BACE2: variants seen among roughly 807,000 people sequenced by gnomAD.
BACE2 encodes beta-secretase 2.
In BACE2, 17 loss-of-function variants were observed where a neutral mutation model predicts 46.2. The observed-to-expected ratio is 0.37, with a 90% CI of 0.25 to 0.55. BACE2 has a LOEUF of 0.55. BACE2 is among the 20% of genes least tolerant of loss of function. The pLI, the probability that BACE2 is intolerant of heterozygous loss-of-function variation, is 0.82. For synonymous variants in BACE2, 277 were observed against 295.9 expected, an observed-to-expected ratio of 0.94 and a Z score of 0.66; for missense variants, 595 against 698.1, an observed-to-expected ratio of 0.85 and a Z score of 1.66.
intron 8 of BACE2, among the ~76,000 whole-genome samples, chr21:41,263,985 T>C (rs1988003966): frequency 6.6e-6 from 1 of 152,232 alleles, no homozygotes; most frequent in Non-Finnish European, 1.5e-5. Flanking sequence ...TTTCAAGTAA[T>C]GAGATTTCTC....
chr21:41,232,020 C>CTTT (rs34868132), intron 2 of BACE2, among the ~76,000 whole-genome samples: 1 of 140,638 alleles, frequency 7.1e-6, no homozygotes, highest in African/African-American at 2.6e-5. Flanking sequence ...TGAGAATTAC[C>CTTT]TTTTTTTTTT....
intron 5 of BACE2, among the ~76,000 whole-genome samples, chr21:41,244,602 C>T (rs930991121): frequency 9.8e-6 from 1 of 102,526 alleles, no homozygotes; most frequent in Non-Finnish European, 1.9e-5. Context: ...AAGGCAGGAA[C>T]CGGCCATTTT....
intron 1 of BACE2, among the ~76,000 whole-genome samples, chr21:41,199,744 G>A (rs1390413781): frequency 6.6e-6 from 1 of 152,118 alleles, no homozygotes; most frequent in Non-Finnish European, 1.5e-5. Context: ...GCCTCTCCCA[G>A]CCCCAGCTCT....
chr21:41,168,675 G>A lies in BACE2; in HGVS notation c.312+100G>A, dbSNP rs1984471931. The A allele has an allele frequency of 3.3e-6, 3 of 908,278 alleles. No homozygotes were observed. In the East Asian group the frequency reaches 1.1e-4, roughly 32 times the overall value. 56.3% of individuals were successfully genotyped at this position (908,278 alleles called of 1,614,324 possible). Reference sequence around the variant, plus strand: ...GCGGCTTAGCGTCGCCCCCAAAGCAGCAGCTGTCCCCGCACAGAAGAGCGG... The same window carrying A: ...GCGGCTTAGCGTCGCCCCCAAAGCAACAGCTGTCCCCGCACAGAAGAGCGG... On this transcript the variant is annotated intron_variant, in intron 1 of 8. Transcript: ENST00000330333.
intron 2 of BACE2, among the ~76,000 whole-genome samples, chr21:41,232,809 G>A (rs969126276): frequency 3.3e-5 from 5 of 151,628 alleles, no homozygotes; most frequent in African/African-American, 9.7e-5. Context: ...TTTTCCTTAT[G>A]AATTATTCAC....
chr21:41,186,320 G>A (rs1269513339), intron 1 of BACE2: 1 of 152,298 alleles, frequency 6.6e-6, no homozygotes, highest in East Asian at 1.9e-4. Context: ...ATGGACACTT[G>A]GCTGTCCACT....
intron 1 of BACE2, among the ~76,000 whole-genome samples, chr21:41,198,914 T>C (rs8131198): frequency 0.29 from 43,497 of 151,136 alleles, 6,765 homozygotes; most frequent in African/African-American, 0.4. Context: ...GGTACATGTG[T>C]ACAATGTGCA....
At chr21:41,168,903 A>G (rs756353706) in intron 1 of BACE2, among the ~76,000 whole-genome samples, 9 of 151,834 alleles carry the variant, frequency 5.9e-5, no homozygotes, top group Non-Finnish European at 1.2e-4. Flanking sequence ...TGCGGGCGAC[A>G]CCTACTTCCA....
chr21:41,171,150 A>G (rs1470740595), intron 1 of BACE2, among the ~76,000 whole-genome samples: 1 of 152,160 alleles, frequency 6.6e-6, no homozygotes, highest in Non-Finnish European at 1.5e-5. Context: ...CTGAACGTAC[A>G]CCCCAAGGTG....
chr21:41,195,755 T>C (rs1985711320), intron 1 of BACE2, among the ~76,000 whole-genome samples: 1 of 152,170 alleles, frequency 6.6e-6, no homozygotes, highest in Non-Finnish European at 1.5e-5. Flanking sequence ...TGATATGAGA[T>C]AGGACTGGAC....
intron 1 of BACE2, among the ~76,000 whole-genome samples, chr21:41,219,375 C>G (rs561713830): frequency 6.6e-6 from 1 of 152,214 alleles, no homozygotes; most frequent in East Asian, 1.9e-4. Context: ...AAAGAAGAAA[C>G]ATTATAGCAG....
chr21:41,254,119 C>T (rs566709970), intron 7 of BACE2, among the ~76,000 whole-genome samples: 2 of 152,206 alleles, frequency 1.3e-5, no homozygotes, highest in Non-Finnish European at 2.9e-5. Flanking sequence ...AATAAGTGGG[C>T]AAACGATTGC....
rs1309969866 is a variant in BACE2, at chr21:41,281,704, C to G, written c.*6080C>G. On this transcript the variant is annotated 3_prime_UTR_variant, in exon 9 of 9. Transcript: ENST00000330333. Reference sequence around the variant, plus strand: ...TTTAAGATGGAGGAAAAAAAGTGAACAAAGCTAATTAATCTATCATGAAAA... The same window carrying G: ...TTTAAGATGGAGGAAAAAAAGTGAAGAAAGCTAATTAATCTATCATGAAAA... The G allele has an allele frequency of 6.6e-6, 1 of 152,142 alleles. No individual in the cohort carries two copies. Among genetic ancestry groups the G allele is most frequent in the Non-Finnish European group, 1.5e-5 (1 of 68,006 alleles). 9.4% of individuals were successfully genotyped at this position (152,142 alleles called of 1,614,324 possible).
chr21:41,188,051 T>C (rs1250877391), intron 1 of BACE2, among the ~76,000 whole-genome samples: 11 of 152,242 alleles, frequency 7.2e-5, no homozygotes, highest in Non-Finnish European at 1.6e-4. Context: ...TTAGTCAATA[T>C]ACGTACATTT....
chr21:41,261,748 A>C (rs1200876482), intron 8 of BACE2, among the ~76,000 whole-genome samples: 2 of 151,926 alleles, frequency 1.3e-5, no homozygotes, highest in African/African-American at 2.4e-5. Context: ...AGGACGTTCC[A>C]TTTTCTCAGC....
intron 8 of BACE2, among the ~76,000 whole-genome samples, chr21:41,263,136 T>C (rs1329896319): frequency 6.6e-6 from 1 of 152,146 alleles, no homozygotes; most frequent in Non-Finnish European, 1.5e-5. Flanking sequence ...CAGTCCTAAA[T>C]TTAGGGATTT....
At chr21:41,274,525 G>A (rs114335238) in intron 8 of BACE2, among the ~76,000 whole-genome samples, 2,646 of 152,262 alleles carry the variant, frequency 0.017, 88 homozygotes, top group African/African-American at 0.06. Context: ...CGTATTGCAA[G>A]TAAAGCTTAA....
chr21:41,260,775 T>C (rs1001288546), intron 8 of BACE2, among the ~76,000 whole-genome samples: 3 of 152,162 alleles, frequency 2.0e-5, no homozygotes, highest in South Asian at 2.1e-4. Flanking sequence ...GACCCTGATA[T>C]GATGTGGGAG....
chr21:41,198,854 TTTATTTA>T (rs1985838169), intron 1 of BACE2, among the ~76,000 whole-genome samples: 1 of 136,666 alleles, frequency 7.3e-6, no homozygotes, highest in African/African-American at 2.5e-5. Flanking sequence ...ACGCTTTTTA[TTTATTTA>T]TTTATTTATT....
Sources: allele counts gnomAD v4.1 joint callset (sites outside exome capture counted in the v4.1 genomes callset), GRCh38; gene constraint gnomAD v4.1.1; transcripts MANE v1.5; gene names NCBI Gene and HGNC (gene_info 2026-07-23, HGNC 2026-07-21).